The following NRG3 variants were observed in gnomAD, a reference collection of about 807,000 sequenced individuals.
NRG3 encodes pro-neuregulin-3, membrane-bound isoform.
Under a neutral mutation model 66.9 loss-of-function variants are expected in NRG3, and 31 were observed. The observed-to-expected ratio is 0.46, with a 90% confidence interval of 0.35 to 0.63. The LOEUF is 0.63. NRG3 is among the 20% of genes least tolerant of loss of function. The pLI is 0.00. For missense variants in NRG3, 910 were observed against 878.9 expected (o/e 1.04, Z -0.45); for synonymous variants, 393 against 359.4 (o/e 1.09, Z -1.06).
At chr10:82,892,403 C>A (rs1456118010) in intron 4 of NRG3, among the ~76,000 whole-genome samples, 1 of 152,152 alleles carries the variant, frequency 6.6e-6, no homozygotes, top group Non-Finnish European at 1.5e-5. Context: ...GTGGCTCACG[C>A]CTGTAATCCC....
intron 3 of NRG3, among the ~76,000 whole-genome samples, chr10:82,775,176 G>C (rs1248183295): frequency 6.7e-6 from 1 of 149,398 alleles, no homozygotes; most frequent in Non-Finnish European, 1.5e-5. Context: ...CTTCTTCACT[G>C]GTTCCTAGAG....
chr10:82,300,030 A>G (rs753736572), intron 1 of NRG3, among the ~76,000 whole-genome samples: 12 of 151,730 alleles, frequency 7.9e-5, no homozygotes, highest in Admixed American at 3.3e-4. Context: ...GTGTACACGC[A>G]CACACACACA....
At chr10:82,784,053 G>A (rs1311642885) in intron 3 of NRG3, among the ~76,000 whole-genome samples, 1 of 151,814 alleles carries the variant, frequency 6.6e-6, no homozygotes, top group Non-Finnish European at 1.5e-5. Flanking sequence ...AAATAATGCT[G>A]CGTATCTACA....
intron 2 of NRG3, among the ~76,000 whole-genome samples, chr10:82,559,781 A>G (rs1481417486): frequency 6.6e-6 from 1 of 152,178 alleles, no homozygotes; most frequent in Non-Finnish European, 1.5e-5. Flanking sequence ...AAAGTCATCC[A>G]AGTGCAGCAA....
intron 1 of NRG3, among the ~76,000 whole-genome samples, chr10:82,295,357 T>G (rs2079998403): frequency 6.6e-6 from 1 of 152,092 alleles, no homozygotes. Flanking sequence ...AATATAAGAG[T>G]GGCAGGTGCA....
chr10:81,932,115 G>A (rs896367058), intron 1 of NRG3, among the ~76,000 whole-genome samples: 1 of 152,006 alleles, frequency 6.6e-6, no homozygotes, highest in Non-Finnish European at 1.5e-5. Context: ...CATGGTGGAA[G>A]GAGGTGAAGC....
rs10603040 is a variant in NRG3 at position 82,711,535 on chromosome 10, T to TTG, written c.954-27009_954-27008dup. 3.2e-3 allele frequency among the ~76,000 whole-genome samples: 471 copies of TTG among 148,378 alleles called. 4 individuals carry two copies. Among genetic ancestry groups the TTG allele is most frequent in the South Asian group, 5.0e-3 (23 of 4,624 alleles). On this transcript the variant is annotated intron_variant, in intron 2 of 8. Transcript: ENST00000372141. ...AATATATCTGGATTTATCTGTGTGT[T>TTG]TGTGTGTGTGTGTGTGTGTGTGTGT...
At chr10:82,517,087 A>G (rs1479320462) in intron 2 of NRG3, among the ~76,000 whole-genome samples, 3 of 152,166 alleles carry the variant, frequency 2.0e-5, no homozygotes, top group African/African-American at 7.2e-5. Flanking sequence ...CAGTGAAAAT[A>G]CTTTGTTTTC....
chr10:82,505,467 T>G (rs1844580968), intron 2 of NRG3, among the ~76,000 whole-genome samples: 1 of 152,194 alleles, frequency 6.6e-6, no homozygotes, highest in African/African-American at 2.4e-5. Context: ...CCTGAAGAGA[T>G]AGACCATTGA....
chr10:82,035,063 G>A (rs1333861768), intron 1 of NRG3, among the ~76,000 whole-genome samples: 2 of 152,018 alleles, frequency 1.3e-5, no homozygotes, highest in Non-Finnish European at 2.9e-5. Context: ...CATATATAGT[G>A]GGTTTGATTT....
intron 3 of NRG3, among the ~76,000 whole-genome samples, chr10:82,747,127 T>G (rs2058679510): frequency 6.6e-6 from 1 of 152,102 alleles, no homozygotes; most frequent in Non-Finnish European, 1.5e-5. Flanking sequence ...AGGATTATAC[T>G]ACCTGTATTT....
At chr10:82,479,501 GA>G (rs35318145) in intron 2 of NRG3, among the ~76,000 whole-genome samples, 85,367 of 136,778 alleles carry the variant, frequency 0.62, 28,042 homozygotes, top group South Asian at 0.78. Context: ...GAGTTGGAGG[GA>G]AAAAAAAAAA....
At chr10:82,561,859 G>C (rs2045067513) in intron 2 of NRG3, among the ~76,000 whole-genome samples, 1 of 152,148 alleles carries the variant, frequency 6.6e-6, no homozygotes, top group African/African-American at 2.4e-5. Flanking sequence ...GGAGATGTCA[G>C]CTCCTGAAAG....
At chr10:82,794,279 T>A (rs544851540) in intron 3 of NRG3, among the ~76,000 whole-genome samples, 5 of 152,264 alleles carry the variant, frequency 3.3e-5, no homozygotes, top group Admixed American at 6.5e-5. Context: ...CTCCCACAAA[T>A]CACCTTTTGG....
chr10:82,749,952 G>A (rs2058797230), intron 3 of NRG3, among the ~76,000 whole-genome samples: 3 of 152,270 alleles, frequency 2.0e-5, no homozygotes, highest in South Asian at 4.1e-4. Flanking sequence ...CTTTCTCATA[G>A]TCCACTTTGG....
intron 2 of NRG3, among the ~76,000 whole-genome samples, chr10:82,439,750 T>G (rs542991195): frequency 6.6e-6 from 1 of 152,114 alleles, no homozygotes; most frequent in South Asian, 2.1e-4. Flanking sequence ...TGGAATAAAA[T>G]TAATTTGGTC....
At chr10:82,000,097 C>T (rs2061103236) in intron 1 of NRG3, among the ~76,000 whole-genome samples, 1 of 152,072 alleles carries the variant, frequency 6.6e-6, no homozygotes, top group South Asian at 2.1e-4. Context: ...ATTTTAGTTC[C>T]TAATGAGCTA....
intron 1 of NRG3, among the ~76,000 whole-genome samples, chr10:82,069,476 T>C (rs1332995582): frequency 6.6e-6 from 1 of 151,964 alleles, no homozygotes; most frequent in Non-Finnish European, 1.5e-5. Context: ...AGGTATAGAG[T>C]GTCAGCTCCT....
At chr10:82,677,092 T>C (rs1177034471) in intron 2 of NRG3, among the ~76,000 whole-genome samples, 16 of 149,848 alleles carry the variant, frequency 1.1e-4, no homozygotes, top group Non-Finnish European at 5.9e-5. Context: ...CAGGGTCTCA[T>C]TGTGTCACCC....
Sources: allele counts gnomAD v4.1 joint callset (sites outside exome capture counted in the v4.1 genomes callset), GRCh38; gene constraint gnomAD v4.1.1; transcripts MANE v1.5; gene names NCBI Gene and HGNC (gene_info 2026-07-23, HGNC 2026-07-21).